Variants in AHRR observed in about 807,000 individuals in gnomAD.
AHRR encodes aryl hydrocarbon receptor repressor.
In AHRR, 28 loss-of-function variants were observed where a neutral mutation model predicts 44.0. The ratio of observed to expected loss-of-function variants is 0.64; its 90% CI spans 0.47 to 0.87. The LOEUF is 0.87. Ranked by LOEUF, AHRR falls within the 40% of genes least tolerant of loss-of-function variation. The probability of loss-of-function intolerance (pLI) is 0.00; values close to 1 mark genes in which losing one functional copy is unlikely to be tolerated. For missense variants in AHRR, 990 were observed against 953.9 expected (o/e 1.04, Z -0.50); for synonymous variants, 434 against 407.0 (o/e 1.07, Z -0.80).
At position 422,762 on chromosome 5, in the gene AHRR, A is replaced by G. The variant is rs761481060; in HGVS notation, c.475A>G (p.Ile159Val). The G allele has an allele frequency of 5.6e-6, 9 of 1,614,102 alleles. No homozygotes were observed. Among genetic ancestry groups the G allele is most frequent in the South Asian group, 1.1e-5 (1 of 91,074 alleles). ...AATGCACCAGAACATTTATGACTAC[A>G]TCCACGTGGACGACCGCCAGGACTT... The part of the protein sequence containing the change: ...DVMHQNIYDY[I>V]HVDDRQDFCR... Residue 159 changes from isoleucine to valine, a missense_variant, in exon 6 of 11, where the codon ATC (isoleucine) becomes GTC (valine). Physicochemically the swap from Ile to Val is conservative, Grantham distance 29. Coordinates refer to ENST00000684583, the MANE Select transcript of AHRR (RefSeq NM_001377236.1).
chr5:338,047 C>G lies in AHRR; in HGVS notation c.-10-5846C>G, dbSNP rs923184856. ...CTACAGGCAACAAACAGGTAGCTGG[C>G]ACAGCTTCTGAGTACTGTCACCTCA... On this transcript the variant is annotated intron_variant, in intron 1 of 10. Coordinates refer to ENST00000684583, the MANE Select transcript of AHRR (RefSeq NM_001377236.1). This position sits in a 1 kb window ranked among gnomAD's most constrained non-coding sequence, Gnocchi z 4.1. Among the ~76,000 whole-genome samples the G allele has an allele frequency of 2.0e-5, 3 of 152,192 alleles. No homozygotes were observed. Among genetic ancestry groups the G allele is most frequent in the African/African-American group, 7.2e-5 (3 of 41,444 alleles).
chr5:373,809 C>T (rs550988323), intron 3 of AHRR, among the ~76,000 whole-genome samples: 410 of 151,210 alleles, frequency 2.7e-3, no homozygotes, highest in African/African-American at 9.6e-3. Context: ...GCGCCTGGCG[C>T]TCCCCGCGCT....
At position 404,807 on chromosome 5, in the gene AHRR, A is replaced by G. The variant is rs958557681; in HGVS notation, c.352-8537A>G. ...TTTAGGTGAAAATCGGAGGTGGCGCAGGACATGGTGAGATGATTATCCAGC... is the reference window on the plus strand; with the variant it reads ...TTTAGGTGAAAATCGGAGGTGGCGCGGGACATGGTGAGATGATTATCCAGC... On this transcript the variant is annotated intron_variant, in intron 4 of 10. Coordinates refer to ENST00000684583, the MANE Select transcript of AHRR (RefSeq NM_001377236.1). This position sits in a 1 kb window ranked among gnomAD's most constrained non-coding sequence, Gnocchi z 4.1. Among the ~76,000 whole-genome samples, 11 of 152,160 alleles carry G rather than the reference A, an allele frequency of 7.2e-5. No homozygotes were observed. The highest frequency in any genetic ancestry group is 1.3e-4 in the Non-Finnish European group (9 of 68,034).
chr5:364,888 C>G (rs1051039032), intron 3 of AHRR, among the ~76,000 whole-genome samples: 1 of 151,962 alleles, frequency 6.6e-6, no homozygotes, highest in Non-Finnish European at 1.5e-5. Flanking sequence ...AAAAGCATCA[C>G]TGGAGATAGA....
chr5:382,103 G>T (rs183394125), intron 4 of AHRR, among the ~76,000 whole-genome samples: 23 of 152,290 alleles, frequency 1.5e-4, no homozygotes, highest in African/African-American at 5.5e-4. Context: ...ATGTTCATGA[G>T]AAATACTTTT....
intron 3 of AHRR, among the ~76,000 whole-genome samples, chr5:363,204 G>A (rs1174869281): frequency 1.3e-5 from 2 of 152,224 alleles, no homozygotes; most frequent in Admixed American, 1.3e-4. Context: ...CCTCCAGTGG[G>A]AGGAACAAGA....
chr5:350,204 G>C (rs968225757), intron 2 of AHRR, among the ~76,000 whole-genome samples: 1 of 152,198 alleles, frequency 6.6e-6, no homozygotes, highest in African/African-American at 2.4e-5. Context: ...CAGTTTTGGG[G>C]AGAATTGCCA....
At chr5:362,491 CCTCT>C (rs1743218301) in intron 3 of AHRR, among the ~76,000 whole-genome samples, 1 of 152,206 alleles carries the variant, frequency 6.6e-6, no homozygotes, top group South Asian at 2.1e-4. Context: ...TCACCCCCTT[CCTCT>C]CTGTCACTGG....
intron 2 of AHRR, among the ~76,000 whole-genome samples, chr5:348,323 TCCC>T (rs969289535): frequency 6.7e-6 from 1 of 148,984 alleles, no homozygotes; most frequent in Non-Finnish European, 1.5e-5. Context: ...CCACAGGGAT[TCCC>T]CCCCTCCTTT....
intron 2 of AHRR, among the ~76,000 whole-genome samples, chr5:345,427 GGTGTGCGT>G (rs1742619147): frequency 2.0e-5 from 2 of 100,924 alleles, no homozygotes; most frequent in Non-Finnish European, 3.6e-5. Flanking sequence ...TGTGTGTGTG[GGTGTGCGT>G]GTGTGGGTGT....
At chr5:382,997 A>G (rs1472735618) in intron 4 of AHRR, among the ~76,000 whole-genome samples, 1 of 152,060 alleles carries the variant, frequency 6.6e-6, no homozygotes, top group African/African-American at 2.4e-5. Flanking sequence ...ATGGTTTCTA[A>G]TTTTACTTGG....
intron 5 of AHRR, among the ~76,000 whole-genome samples, chr5:418,196 A>G (rs1437791693): frequency 6.6e-6 from 1 of 152,178 alleles, no homozygotes; most frequent in Admixed American, 6.5e-5. Context: ...GTGTAAAACT[A>G]AAGTAAAGAC....
chr5:343,325 G>T (rs768073179), intron 1 of AHRR, among the ~76,000 whole-genome samples: 2 of 145,510 alleles, frequency 1.4e-5, no homozygotes, highest in African/African-American at 2.5e-5. Context: ...CCTCTCAGGG[G>T]TGACAGGAAC....
chr5:334,723 G>A (rs914532814), intron 1 of AHRR, among the ~76,000 whole-genome samples: 3 of 152,044 alleles, frequency 2.0e-5, no homozygotes, highest in East Asian at 1.9e-4. Context: ...ATCTACTGCT[G>A]GAGAATTGTG....
chr5:390,495 A>G (rs1734365884), intron 4 of AHRR, among the ~76,000 whole-genome samples: 2 of 152,264 alleles, frequency 1.3e-5, no homozygotes, highest in South Asian at 4.1e-4. Flanking sequence ...GCATGAGAGC[A>G]AAAGCCCTAA....
Position 344,007 on chromosome 5 carries a change from T to C in AHRR, c.62+43T>C, listed in dbSNP as rs1036669903. The C allele has an allele frequency of 5.7e-6, 9 of 1,568,138 alleles. No homozygotes were observed. In the African/African-American group the frequency reaches 8.5e-5, roughly 15 times the overall value. On this transcript the variant is annotated intron_variant, in intron 2 of 10. Transcript: ENST00000684583. ...CTGCTTGTGTGGGTTGTTGCACCCA[T>C]GGAAGGGGAGGGTTGGGGTTTGCCT...
chr5:364,361 T>C (rs903496783), intron 3 of AHRR, among the ~76,000 whole-genome samples: 15 of 152,312 alleles, frequency 9.8e-5, no homozygotes, highest in Middle Eastern at 3.4e-3. Context: ...ACACCTTGTG[T>C]AAAATAATAA....
At chr5:336,825 T>C (rs1742153199) in intron 1 of AHRR, among the ~76,000 whole-genome samples, 1 of 152,212 alleles carries the variant, frequency 6.6e-6, no homozygotes, top group African/African-American at 2.4e-5. Context: ...AATTTTAGGT[T>C]AATTTTTTTC....
In AHRR at chr5:434,236, G is replaced by A. The variant is rs755562732; in HGVS notation, c.1496G>A (p.Arg499His). ...QHQLPQPGAQ[R>H]FATRGYPMED... is the part of the protein sequence containing the mutation. Reference sequence around the variant, plus strand: ...CAGCTCCCTCAGCCTGGAGCTCAGCGTTTTGCCACGAGGGGCTATCCCATG... The same window carrying A: ...CAGCTCCCTCAGCCTGGAGCTCAGCATTTTGCCACGAGGGGCTATCCCATG... The change falls in exon 11 of 11, where the codon CGT becomes CAT. Residue 499 changes from arginine (R) to histidine (H), a missense_variant. Physicochemically the swap from Arg to His is conservative, Grantham distance 29 (BLOSUM62 0). Coordinates refer to ENST00000684583, the MANE Select transcript of AHRR (RefSeq NM_001377236.1). The A allele has an allele frequency of 2.4e-5, 38 of 1,592,018 alleles. 1 individual carries two copies. The Admixed American group carries it at 4.1e-4, about 17-fold the overall frequency.
Sources: allele counts gnomAD v4.1 joint callset (sites outside exome capture counted in the v4.1 genomes callset), GRCh38; gene constraint gnomAD v4.1.1; non-coding constraint Gnocchi (gnomAD v3.1); transcripts MANE v1.5; gene names NCBI Gene and HGNC (gene_info 2026-07-23, HGNC 2026-07-21).